The following BSX variants were observed in gnomAD, a reference collection of about 807,000 sequenced individuals.
The protein encoded by BSX is brain-specific homeobox protein homolog.
A neutral mutation model predicts 16.9 loss-of-function variants in BSX; 12 were observed. The observed-to-expected ratio is 0.71, with a 90% confidence interval of 0.46 to 1.15. BSX has a LOEUF of 1.15. Among genes scored for constraint, BSX ranks in the 50% most tolerant of loss-of-function variants. The probability of loss-of-function intolerance (pLI) is 0.00; values close to 1 mark genes in which losing one functional copy is unlikely to be tolerated. For synonymous variants in BSX, 160 were observed against 136.4 expected, an observed-to-expected ratio of 1.17 and a Z score of -1.20; for missense variants, 292 against 311.8, an observed-to-expected ratio of 0.94 and a Z score of 0.48.
chr11:122,981,303 G>A (rs1174836417), intron 1 of BSX, 107 bp downstream of exon 1: 12 of 1,151,952 alleles, frequency 1.0e-5, no homozygotes, highest in Non-Finnish European at 1.4e-5. Flanking sequence ...AGGCCACCAA[G>A]CCAGGCCGAG....
chr11:122,981,460 T>C lies in BSX; in HGVS notation c.212A>G (p.His71Arg). 1 of 1,570,866 alleles carries C rather than the reference T, an allele frequency of 6.4e-7. No homozygotes were observed. The highest frequency in any genetic ancestry group is 8.6e-7 in the Non-Finnish European group (1 of 1,157,424). The change falls in exon 1 of 3, where the codon CAC (histidine) becomes CGC (arginine). Residue 71 changes from histidine to arginine, a missense_variant. By Grantham distance (29) the His-to-Arg change is conservative. Coordinates refer to ENST00000343035, the MANE Select transcript of BSX (RefSeq NM_001098169.2). ...ATGGTGGTCTCCCTTATGCAGAGGG[T>C]GATGGGCGTGAGGAGCCAAGAGGGT... is the stretch of plus-strand genomic sequence containing the variant. ...TPTLLAPHAHHPLHKGDHHHP... is the reference protein window; with the variant it reads ...TPTLLAPHAHRPLHKGDHHHP...
intron 1 of BSX, 125 bp from the exon 2 acceptor site, chr11:122,979,582 C>T: frequency 1.4e-6 from 1 of 723,722 alleles, no homozygotes; most frequent in Non-Finnish European, 2.2e-6. Flanking sequence ...TCAGTCTGCT[C>T]GCCCCAAAGC....
At chr11:122,978,059 A>C (rs1003612183) in intron 2 of BSX, among the ~76,000 whole-genome samples, 168 bp from the exon 3 acceptor site, 6 of 152,220 alleles carry the variant, frequency 3.9e-5, no homozygotes, top group African/African-American at 1.2e-4. Context: ...GAACAGTCTG[A>C]GGCTTTCAGG....
Position 122,977,580 on chromosome 11 carries a change from G to A in BSX, c.*69C>T, listed in dbSNP as rs1414731272. The A allele has an allele frequency of 3.3e-5, 51 of 1,530,584 alleles. 1 individual carries two copies. The South Asian group carries it at 4.1e-4, about 12-fold the overall frequency. 94.8% of individuals were successfully genotyped at this position (1,530,584 alleles called of 1,614,324 possible). On this transcript the variant is annotated 3_prime_UTR_variant, in exon 3 of 3. Transcript: ENST00000343035. This position sits in a 1 kb window ranked among gnomAD's most constrained non-coding sequence, Gnocchi z 4.5. ...ACGAGACTGGAGTCTGAGTCTTCCG[G>A]TCCAGGAGGGAACCGCGCTCGGCCC...
chr11:122,977,586 G>A lies in BSX; in HGVS notation c.*63C>T. The A allele has an allele frequency of 6.5e-7, 1 of 1,542,572 alleles. No homozygotes were observed. Among genetic ancestry groups the A allele is most frequent in the Non-Finnish European group, 8.7e-7 (1 of 1,155,070 alleles). ...CTGGAGTCTGAGTCTTCCGGTCCAG[G>A]AGGGAACCGCGCTCGGCCCCGCAGT... is the stretch of plus-strand genomic sequence containing the variant. On this transcript the variant is annotated 3_prime_UTR_variant, in exon 3 of 3. Transcript: ENST00000343035. This position sits in a 1 kb window ranked among gnomAD's most constrained non-coding sequence, Gnocchi z 4.5.
intron 2 of BSX, among the ~76,000 whole-genome samples, chr11:122,978,968 A>C (rs1864534245): frequency 6.6e-6 from 1 of 150,654 alleles, no homozygotes; most frequent in African/African-American, 2.4e-5. Context: ...ACCACGCCTG[A>C]CTAGTTTTTG....
chr11:122,980,456 AAC>A (rs777489832), intron 1 of BSX, among the ~76,000 whole-genome samples: 80 of 152,252 alleles, frequency 5.3e-4, no homozygotes, highest in Non-Finnish European at 7.9e-4. Flanking sequence ...TGGATTTACA[AAC>A]ACTTTTAGCT....
At chr11:122,979,134 G>C (rs896947831) in intron 2 of BSX, 127 bp downstream of exon 2, 1 of 959,148 alleles carries the variant, frequency 1.0e-6, no homozygotes, top group Admixed American at 2.5e-5. Flanking sequence ...AAGCTCTTGG[G>C]AAAGGCTTAG....
chr11:122,981,070 G>C (rs1355517703), intron 1 of BSX, among the ~76,000 whole-genome samples: 1 of 152,182 alleles, frequency 6.6e-6, no homozygotes, highest in Non-Finnish European at 1.5e-5. Flanking sequence ...AATCAGGATT[G>C]AGAGATGGAC....
chr11:122,978,848 C>T (rs1276924588), intron 2 of BSX, among the ~76,000 whole-genome samples: 1 of 137,794 alleles, frequency 7.3e-6, no homozygotes, highest in Non-Finnish European at 1.5e-5. Context: ...CTCTGTCGCC[C>T]ACGCTGGAGT....
chr11:122,978,488 G>A (rs1388181044), intron 2 of BSX, among the ~76,000 whole-genome samples: 1 of 152,104 alleles, frequency 6.6e-6, no homozygotes, highest in Non-Finnish European at 1.5e-5. Context: ...TTGGAGCGGA[G>A]GTGCATGTGA....
At chr11:122,978,126 A>G (rs1009495880) in intron 2 of BSX, among the ~76,000 whole-genome samples, 1 of 152,170 alleles carries the variant, frequency 6.6e-6, no homozygotes, top group Non-Finnish European at 1.5e-5. Flanking sequence ...AGTTATGCAT[A>G]TTGTTATGAA....
intron 1 of BSX, 45 bp from the exon 2 acceptor site, chr11:122,979,502 G>A: frequency 6.5e-7 from 1 of 1,543,522 alleles, no homozygotes; most frequent in South Asian, 1.2e-5. Flanking sequence ...TGGGTCGCCG[G>A]AGAGCAATCT....
Position 122,977,828 on chromosome 11 carries a change from C to T in BSX, c.523G>A (p.Glu175Lys). 8.1e-6 allele frequency: 13 copies of T among 1,613,908 alleles called. No individual in the cohort carries two copies. The highest frequency in any genetic ancestry group is 1.1e-5 in the Non-Finnish European group (13 of 1,179,930). Residue 175 changes from glutamate to lysine, a missense_variant, in exon 3 of 3, where the codon GAA becomes AAA. By Grantham distance (56) the Glu-to-Lys change is moderately conservative. This residue lies in a region of BSX where 107 missense variants were observed against 97.1 expected (regional missense o/e 1.10). Transcript: ENST00000343035. The surrounding 1 kb of genome is among the most constrained non-coding windows in gnomAD (Gnocchi z 4.5). The stretch of plus-strand genomic sequence containing the variant: ...TCTGGCCCGTCTGGTGCTTTGGGTT[C>T]GTCTTGGCTTTTCCGCAGTTGCTTT... ...HKKQLRKSQD[E>K]PKAPDGPESP...
At chr11:122,979,490 C>T in intron 1 of BSX, 33 bp from the exon 2 acceptor site, 1 of 1,573,022 alleles carries the variant, frequency 6.4e-7, no homozygotes, top group South Asian at 1.1e-5. Flanking sequence ...GTGGGCAGAG[C>T]GTGGGTCGCC....
chr11:122,979,403 T>C lies in BSX; in HGVS notation c.317A>G (p.Lys106Arg). The C allele has an allele frequency of 9.3e-6, 15 of 1,613,860 alleles. No individual in the cohort carries two copies. Among genetic ancestry groups the C allele is most frequent in the Non-Finnish European group, 1.3e-5 (15 of 1,179,956 alleles). The change falls in exon 2 of 3, where the codon AAG becomes AGG. Residue 106 changes from lysine (K) to arginine (R), a missense_variant. By Grantham distance (26) the Lys-to-Arg change is conservative (BLOSUM62 2). Coordinates refer to ENST00000343035, the MANE Select transcript of BSX (RefSeq NM_001098169.2). ...GCGGGCTTTGCGGCGGCGGCAGTGC[T>C]TCCCCGGCAGCTCCGCGTGCTGCGG... ...PHPQHAELPG[K>R]HCRRRKARTV...
At chr11:122,979,089 C>T (rs1285624206) in intron 2 of BSX, among the ~76,000 whole-genome samples, 172 bp downstream of exon 2, 3 of 152,170 alleles carry the variant, frequency 2.0e-5, no homozygotes. Flanking sequence ...CAGGCGTGAG[C>T]CACCGCGCCC....
At chr11:122,981,345 G>T in intron 1 of BSX, 65 bp downstream of exon 1, 2 of 1,412,832 alleles carry the variant, frequency 1.4e-6, no homozygotes, top group Non-Finnish European at 1.9e-6. Context: ...TCCATCACAG[G>T]CTTAGGGTCT....
Position 122,981,795 on chromosome 11 carries a change from C to A in BSX, c.-124G>T, listed in dbSNP as rs1416271251. The A allele has an allele frequency of 5.8e-6, 6 of 1,035,950 alleles. No homozygotes were observed. Among genetic ancestry groups the A allele is most frequent in the East Asian group, 2.7e-5 (1 of 37,588 alleles). 64.2% of individuals were successfully genotyped at this position (1,035,950 alleles called of 1,614,324 possible). Reference sequence around the variant, plus strand: ...GGCTCGAATCTCCGCTGCTCTCTCCCGGGCCTGGGCTACCCCGGGCGCTGG... The same window carrying A: ...GGCTCGAATCTCCGCTGCTCTCTCCAGGGCCTGGGCTACCCCGGGCGCTGG... On this transcript the variant is annotated 5_prime_UTR_variant, in exon 1 of 3. Transcript: ENST00000343035.
Sources: gnomAD v4.1 joint callset for allele counts (sites outside exome capture counted in the v4.1 genomes callset) on GRCh38, gnomAD v4.1.1 for gene constraint, gnomAD v4.1.1 regional missense constraint, Gnocchi (gnomAD v3.1) non-coding constraint, MANE v1.5 for transcripts, NCBI Gene and HGNC (gene_info 2026-07-23, HGNC 2026-07-21) for gene names.